Variants in MAX observed in about 807,000 individuals in gnomAD.
MAX encodes MYC associated transcriptional regulator X, also known as protein max.
In MAX, 3 loss-of-function variants were observed where a neutral mutation model predicts 22.3. The ratio of observed to expected loss-of-function variants is 0.13; its 90% CI spans 0.06 to 0.35. MAX has a LOEUF of 0.35. Among genes scored for constraint, MAX ranks in the 10% least tolerant of loss-of-function variants. The pLI, the probability that MAX is intolerant of heterozygous loss-of-function variation, is 1.00. For synonymous variants in MAX, 72 were observed against 77.7 expected (o/e 0.93, Z 0.39); for missense variants, 119 against 209.4 (o/e 0.57, Z 2.66).
chr14:65,090,796 C>A (rs1354458701), intron 3 of MAX: 1 of 152,206 alleles, frequency 6.6e-6, no homozygotes. Flanking sequence ...AGCCACCATG[C>A]CCAGCCAACC....
At position 65,069,571 on chromosome 14, in the gene MAX, G is replaced by A. The variant is rs141898482; in HGVS notation, c.171+24137C>T. On this transcript the variant is annotated intron_variant, in intron 3 of 3. Transcript: ENST00000341653. This position sits in a 1 kb window ranked among gnomAD's most constrained non-coding sequence, Gnocchi z 4.6. Reference sequence around the variant, plus strand: ...CTACGTGCTGCTCAAATACCCGAGGGTTGAACTCACGCAGAGGCAACCCTG... The same window carrying A: ...CTACGTGCTGCTCAAATACCCGAGGATTGAACTCACGCAGAGGCAACCCTG... 6.6e-6 allele frequency among the ~76,000 whole-genome samples: 1 copy of A among 152,354 alleles called. No homozygotes were observed. The highest frequency in any genetic ancestry group is 2.4e-5 in the African/African-American group (1 of 41,584).
intron 3 of MAX, among the ~76,000 whole-genome samples, chr14:65,065,907 C>A (rs143344624): frequency 1.2e-4 from 18 of 152,298 alleles, no homozygotes; most frequent in Middle Eastern, 3.4e-3. Context: ...ACTGGAGAAA[C>A]AGGTTGGAGA....
chr14:65,017,245 C>T (rs1207933805), intron 3 of MAX, among the ~76,000 whole-genome samples: 1 of 152,032 alleles, frequency 6.6e-6, no homozygotes, highest in Non-Finnish European at 1.5e-5. Flanking sequence ...GAAATACCAG[C>T]TCGGGGGCCT....
chr14:65,101,159 G>A (rs554228004), intron 2 of MAX, among the ~76,000 whole-genome samples: 4 of 152,186 alleles, frequency 2.6e-5, no homozygotes, highest in African/African-American at 7.2e-5. Context: ...CAATTATACA[G>A]ATATGGTTTA....
intron 3 of MAX, among the ~76,000 whole-genome samples, chr14:65,063,715 C>T (rs1273094800): frequency 6.6e-6 from 1 of 152,186 alleles, no homozygotes; most frequent in East Asian, 1.9e-4. Flanking sequence ...CAGGTGCACA[C>T]CACCACAGCT....
chr14:65,083,050 T>A (rs563459971), intron 3 of MAX, among the ~76,000 whole-genome samples: 1 of 152,234 alleles, frequency 6.6e-6, no homozygotes, highest in Admixed American at 6.5e-5. Flanking sequence ...GCAAAATGAA[T>A]AATGTAGAAG....
Position 65,030,144 on chromosome 14 carries a change from C to T in MAX, c.172-23860G>A, listed in dbSNP as rs1029200104. ...GTGAGAGGCAAACTGTATTATAGGTCGCCTCCTACCTCACAAGTCACAATA... is the reference window on the plus strand; with the variant it reads ...GTGAGAGGCAAACTGTATTATAGGTTGCCTCCTACCTCACAAGTCACAATA... On this transcript the variant is annotated intron_variant, in intron 3 of 3. Transcript: ENST00000341653. This position sits in a 1 kb window ranked among gnomAD's most constrained non-coding sequence, Gnocchi z 4.5. Among the ~76,000 whole-genome samples the T allele has an allele frequency of 1.3e-5, 2 of 152,204 alleles. No homozygotes were observed. Among genetic ancestry groups the T allele is most frequent in the Non-Finnish European group, 2.9e-5 (2 of 68,038 alleles).
At chr14:65,015,227 C>G (rs2061747969) in intron 3 of MAX, among the ~76,000 whole-genome samples, 1 of 151,860 alleles carries the variant, frequency 6.6e-6, no homozygotes, top group Non-Finnish European at 1.5e-5. Flanking sequence ...TTCGGCCTCC[C>G]AAGTCGCTGG....
At chr14:65,094,653 C>T (rs1212422643) in intron 2 of MAX, among the ~76,000 whole-genome samples, 2 of 152,214 alleles carry the variant, frequency 1.3e-5, no homozygotes, top group Non-Finnish European at 2.9e-5. Context: ...AAAGAACGGT[C>T]AGCTGGAGAT....
chr14:65,014,571 T>C lies in MAX; in HGVS notation c.172-8287A>G, dbSNP rs1057033378. Among the ~76,000 whole-genome samples, 11 of 152,158 alleles carry C rather than the reference T, an allele frequency of 7.2e-5. No homozygotes were observed. Among genetic ancestry groups the C allele is most frequent in the Non-Finnish European group, 1.6e-4 (11 of 68,010 alleles). On this transcript the variant is annotated intron_variant, in intron 3 of 3. Transcript: ENST00000341653. This position sits in a 1 kb window ranked among gnomAD's most constrained non-coding sequence, Gnocchi z 5.1. Reference sequence around the variant, plus strand: ...GCTAATGCCTGTAATCTCAGCACTTTGGGAGGCTCAGGCAGGTGAATTGCT... The same window carrying C: ...GCTAATGCCTGTAATCTCAGCACTTCGGGAGGCTCAGGCAGGTGAATTGCT...
chr14:65,061,542 C>T (rs572540942), intron 3 of MAX: 44 of 597,480 alleles, frequency 7.4e-5, no homozygotes, highest in South Asian at 3.0e-4. Context: ...TATCAGCCCA[C>T]GTGGTGTGGT....
At chr14:65,064,844 T>G (rs2062915033) in intron 3 of MAX, among the ~76,000 whole-genome samples, 1 of 152,262 alleles carries the variant, frequency 6.6e-6, no homozygotes, top group South Asian at 2.1e-4. Context: ...AAACAGTGAT[T>G]ACTGGGATAG....
At chr14:65,100,106 T>A (rs2063788351) in intron 2 of MAX, among the ~76,000 whole-genome samples, 1 of 152,218 alleles carries the variant, frequency 6.6e-6, no homozygotes, top group Non-Finnish European at 1.5e-5. Context: ...ACACATCATT[T>A]TAAAAATCAG....
chr14:65,075,533 C>G lies in MAX; in HGVS notation c.*943G>C, dbSNP rs111875569. 2 of 1,065,294 alleles carry G rather than the reference C, an allele frequency of 1.9e-6. No individual in the cohort carries two copies. Among genetic ancestry groups the G allele is most frequent in the South Asian group, 4.5e-5 (1 of 21,986 alleles). 66.0% of individuals were successfully genotyped at this position (1,065,294 alleles called of 1,614,324 possible). A position where few individuals can be genotyped will look rare whatever the true frequency, so the allele number is the denominator to read the frequency against. On this transcript the variant is annotated 3_prime_UTR_variant, in exon 5 of 5. Coordinates refer to ENST00000358664, the MANE Select transcript of MAX (RefSeq NM_002382.5). This position sits in a 1 kb window ranked among gnomAD's most constrained non-coding sequence, Gnocchi z 4.1. ...TGGCTCTATTTCTTAGAAATACACA[C>G]GGGAAGAAAGAAAGATTTCATCATT...
At chr14:65,037,402 C>CTTTTTTTTTT (rs765037575) in intron 3 of MAX, among the ~76,000 whole-genome samples, 40 of 14,526 alleles carry the variant, frequency 2.8e-3, no homozygotes, top group Non-Finnish European at 3.9e-3. Context: ...CACGCCGGGC[C>CTTTTTTTTTT]CTTTTTTTTT....
At chr14:65,006,549 A>G (rs1595002822) in intron 3 of MAX, among the ~76,000 whole-genome samples, 1 of 152,168 alleles carries the variant, frequency 6.6e-6, no homozygotes, top group African/African-American at 2.4e-5. Flanking sequence ...CAGAGGGGAC[A>G]AGACTTCATA....
chr14:65,058,146 A>G (rs73270852), intron 3 of MAX, among the ~76,000 whole-genome samples: 14,327 of 152,002 alleles, frequency 0.094, 2,235 homozygotes, highest in African/African-American at 0.33. Context: ...CAGGAGTACA[A>G]AGAGAACTGA....
intron 3 of MAX, among the ~76,000 whole-genome samples, chr14:65,051,542 C>T (rs554040675): frequency 1.5e-4 from 22 of 151,334 alleles, no homozygotes; most frequent in Admixed American, 3.9e-4. Context: ...ACCCGGGAGG[C>T]GGAGGTTGCA....
Position 65,077,476 on chromosome 14 carries a change from C to G in MAX, c.295+437G>C. The G allele has an allele frequency of 7.8e-7, 1 of 1,285,240 alleles. No individual in the cohort carries two copies. Among genetic ancestry groups the G allele is most frequent in the Admixed American group, 1.7e-5 (1 of 59,646 alleles). 79.6% of individuals were successfully genotyped at this position (1,285,240 alleles called of 1,614,324 possible). A position where few individuals can be genotyped will look rare whatever the true frequency, so the allele number is the denominator to read the frequency against. ...GTGTGAGCATTGAGAACAGCATGGG[C>G]CTAGCCCATAGGCTGCCCTGATTGG... On this transcript the variant is annotated intron_variant, in intron 4 of 4. Transcript: ENST00000358664. This position sits in a 1 kb window ranked among gnomAD's most constrained non-coding sequence, Gnocchi z 6.3.
Sources: allele counts gnomAD v4.1 joint callset (sites outside exome capture counted in the v4.1 genomes callset), GRCh38; gene constraint gnomAD v4.1.1; non-coding constraint Gnocchi (gnomAD v3.1); transcripts MANE v1.5; gene names NCBI Gene and HGNC (gene_info 2026-07-23, HGNC 2026-07-21).